Variants in CDHR2 observed in about 807,000 individuals in gnomAD.
CDHR2 encodes the protein cadherin-related family member 2.
In CDHR2, 104 loss-of-function variants were observed where a neutral mutation model predicts 138.6. That is an observed-to-expected ratio of 0.75 (90% CI 0.64 to 0.88). The LOEUF is 0.88. Ranked by LOEUF, CDHR2 falls within the 40% of genes least tolerant of loss-of-function variation. CDHR2 has a pLI of 0.00. For synonymous variants in CDHR2, 755 were observed against 742.8 expected (o/e 1.02, Z -0.27); for missense variants, 1,624 against 1,727.6 (o/e 0.94, Z 1.06).
At chr5:176,571,396 A>T in intron 6 of CDHR2, 94 bp downstream of exon 6, 1 of 852,296 alleles carries the variant, frequency 1.2e-6, no homozygotes, top group Admixed American at 3.3e-5. Context: ...GGGCATTCAG[A>T]GTTGGGAAAA....
chr5:176,564,854 C>G (rs1296186518), intron 1 of CDHR2, among the ~76,000 whole-genome samples: 2 of 151,958 alleles, frequency 1.3e-5, no homozygotes, highest in African/African-American at 4.8e-5. Flanking sequence ...AAATTATGGT[C>G]CCTCTCCAGG....
At chr5:176,558,423 G>A (rs1285721949) in intron 1 of CDHR2, among the ~76,000 whole-genome samples, 10 of 146,126 alleles carry the variant, frequency 6.8e-5, no homozygotes, top group African/African-American at 1.8e-4. Flanking sequence ...CCCTCTTGTC[G>A]CCCAGGCTGG....
chr5:176,594,990 A>G (rs1295694858), intron 31 of CDHR2, among the ~76,000 whole-genome samples: 3 of 152,210 alleles, frequency 2.0e-5, no homozygotes, highest in Non-Finnish European at 4.4e-5. Flanking sequence ...AGAGACGTCA[A>G]ATTCAACCAG....
intron 1 of CDHR2, among the ~76,000 whole-genome samples, chr5:176,554,937 A>C (rs1389775241): frequency 2.0e-5 from 3 of 152,150 alleles, no homozygotes; most frequent in Non-Finnish European, 4.4e-5. Flanking sequence ...TACAGGTGTG[A>C]GCCACCACAC....
chr5:176,584,073 A>T, intron 17 of CDHR2, 117 bp from the exon 18 acceptor site: 2 of 829,550 alleles, frequency 2.4e-6, no homozygotes, highest in South Asian at 1.5e-5. Context: ...GTGGGCAGTG[A>T]GGTCTGAGGC....
At chr5:176,592,601 G>C (rs901619992) in intron 30 of CDHR2, 122 bp from the exon 31 acceptor site, 1 of 766,634 alleles carries the variant, frequency 1.3e-6, no homozygotes, top group Admixed American at 1.9e-5. Flanking sequence ...GGTGGTGGTG[G>C]TGATGGTGAT....
rs1757938752 is a variant in CDHR2, at chr5:176,560,416, A to G, written c.-15-4922A>G. Among the ~76,000 whole-genome samples, 3 of 152,120 alleles carry G rather than the reference A, an allele frequency of 2.0e-5. No homozygotes were observed. The South Asian group carries it at 6.2e-4, about 31-fold the overall frequency. On this transcript the variant is annotated intron_variant, in intron 1 of 31. Transcript: ENST00000261944. ...TGTCTCAATAAATAAATTAAAAAAA[A>G]AAAAAGACGCCAAAAAAGAATGATT...
rs774506951 is a variant in CDHR2 at position 176,581,422 on chromosome 5, TC to T, written c.1899del (p.Ser634ProfsTer30). The T allele has an allele frequency of 2.5e-6, 4 of 1,613,956 alleles. No homozygotes were observed. The Admixed American group carries it at 5.0e-5, about 20-fold the overall frequency. ...NLLPGPYSHN[F>X]SLDPDTGLLR... ...CTGCCTGGCCCCTACAGCCACAACT[TC>T]TCCTTGGACCCTGACACAGGGCTCC... On this transcript the variant is annotated frameshift_variant, in exon 17 of 32. Coordinates refer to ENST00000261944, the MANE Select transcript of CDHR2 (RefSeq NM_017675.6). LOFTEE classifies it high-confidence loss of function.
chr5:176,545,683 C>T (rs1277070491), upstream of CDHR2, among the ~76,000 whole-genome samples: 3 of 152,180 alleles, frequency 2.0e-5, no homozygotes, highest in Non-Finnish European at 4.4e-5. Context: ...TTGCCCAAGC[C>T]CCCAGCAGGT....
intron 15 of CDHR2, 35 bp downstream of exon 15, chr5:176,578,130 G>A (rs372138606): frequency 1.2e-5 from 19 of 1,584,784 alleles, no homozygotes; most frequent in Non-Finnish European, 1.2e-5. Flanking sequence ...GCAGGTGGGT[G>A]AGCAGGGCCC....
At chr5:176,566,528 C>T (rs192514211) in intron 3 of CDHR2, among the ~76,000 whole-genome samples, 11 of 152,328 alleles carry the variant, frequency 7.2e-5, no homozygotes, top group African/African-American at 2.2e-4. Flanking sequence ...TACCGCCCCT[C>T]GTGGCCGCCC....
In CDHR2 at chr5:176,550,189, G is replaced by A. The variant is rs147476897; in HGVS notation, c.-16+775G>A. On this transcript the variant is annotated intron_variant, in intron 1 of 31. Coordinates refer to ENST00000261944, the MANE Select transcript of CDHR2 (RefSeq NM_017675.6). ...GATGGAAACAAGTCATGGCCCGTGT[G>A]TAGACCCCTTGATTTTTATCCTCAC... is the stretch of plus-strand genomic sequence containing the variant. Among the ~76,000 whole-genome samples the A allele has an allele frequency of 6.9e-3, 1,045 of 152,368 alleles. 6 individuals carry two copies. Among genetic ancestry groups the A allele is most frequent in the African/African-American group, 0.024 (983 of 41,586 alleles).
intron 14 of CDHR2, 67 bp downstream of exon 14, chr5:176,577,865 A>ATT: frequency 8.7e-7 from 1 of 1,149,548 alleles, no homozygotes; most frequent in Non-Finnish European, 1.2e-6. Context: ...TGAGTGTGAG[A>ATT]GTGTGTGTGT....
intron 17 of CDHR2, among the ~76,000 whole-genome samples, chr5:176,581,821 T>C (rs1758541322): frequency 6.6e-6 from 1 of 152,160 alleles, no homozygotes; most frequent in Non-Finnish European, 1.5e-5. Flanking sequence ...CTTGGTAGAG[T>C]GCCTGACCTA....
rs762273064 is a variant in CDHR2, at chr5:176,575,349, G to A, written c.691G>A (p.Val231Met). 23 of 1,614,092 alleles carry A rather than the reference G, an allele frequency of 1.4e-5. 1 individual carries two copies. Among genetic ancestry groups the A allele is most frequent in the African/African-American group, 8.0e-5 (6 of 74,930 alleles). The change falls in exon 9 of 32, where the codon GTG (valine) becomes ATG (methionine). Residue 231 changes from valine (V) to methionine (M), a missense_variant. Val to Met is a conservative substitution (Grantham distance 21). Transcript: ENST00000261944. ...CCTGCCTGTCTTCCTGTCCATCTCC[G>A]TGGTGGACCAGCCTGACCTTGACCC... ...CSLPVFLSIS[V>M]VDQPDLDPQF...
intron 31 of CDHR2, 33 bp from the exon 32 acceptor site, chr5:176,595,499 T>C: frequency 6.4e-7 from 1 of 1,552,274 alleles, no homozygotes; most frequent in Non-Finnish European, 8.7e-7. Flanking sequence ...CACCTTGCCT[T>C]GCCCTTCACA....
At chr5:176,546,253 C>G (rs972980865), upstream of CDHR2, among the ~76,000 whole-genome samples, 11 of 152,194 alleles carry the variant, frequency 7.2e-5, no homozygotes, top group African/African-American at 2.2e-4. Context: ...TATCTCAGTT[C>G]TGCCACTTTC....
In CDHR2 at chr5:176,564,776, A is replaced by G. The variant is rs373804997; in HGVS notation, c.-15-562A>G. 1.2e-4 allele frequency among the ~76,000 whole-genome samples: 18 copies of G among 151,906 alleles called. 1 individual carries two copies. The highest frequency in any genetic ancestry group is 4.4e-4 in the African/African-American group (18 of 41,374). The stretch of plus-strand genomic sequence containing the variant: ...ACAGTTTGGGAAAGGCTGCAAAGAC[A>G]GCCACTAGATGTATCAGCAGGTGAA... On this transcript the variant is annotated intron_variant, in intron 1 of 31. Transcript: ENST00000261944.
In CDHR2 at chr5:176,589,409, CCTTT is replaced by C. The variant is rs1412761800; in HGVS notation, c.3090_3093del (p.Phe1031TrpfsTer7). The stretch of plus-strand genomic sequence containing the variant: ...GGCCAGGGACAGACCTTCCTTGGGT[CCTTT>C]CCTGGAAGCCACCACCACCCTGAAT... On this transcript the variant is annotated frameshift_variant, in exon 23 of 32. Transcript: ENST00000261944. LOFTEE classifies it high-confidence loss of function. The C allele has an allele frequency of 1.1e-5, 18 of 1,583,772 alleles. No homozygotes were observed. The South Asian group carries it at 2.1e-4, about 19-fold the overall frequency.
Sources: allele counts gnomAD v4.1 joint callset (sites outside exome capture counted in the v4.1 genomes callset), GRCh38; gene constraint gnomAD v4.1.1; transcripts MANE v1.5; gene names NCBI Gene and HGNC (gene_info 2026-07-23, HGNC 2026-07-21).